Variants in ADCY2 observed in about 807,000 individuals in gnomAD.
ADCY2 encodes the protein adenylate cyclase type 2.
ADCY2 carries 31 observed loss-of-function variants against 125.2 expected under a neutral mutation model. That is an observed-to-expected ratio of 0.25 (90% confidence interval 0.19 to 0.33). The LOEUF (loss-of-function observed/expected upper bound fraction) is 0.33, where lower values mean the gene tolerates loss of function less well. ADCY2 is among the 10% of genes least tolerant of loss of function. The pLI, the probability that ADCY2 is intolerant of heterozygous loss-of-function variation, is 1.00. For synonymous variants in ADCY2, 512 were observed against 548.4 expected (o/e 0.93, Z 0.93); for missense variants, 904 against 1,418.2 (o/e 0.64, Z 5.82).
At chr5:7,657,811 T>G (rs937899378) in intron 4 of ADCY2, among the ~76,000 whole-genome samples, 1 of 152,162 alleles carries the variant, frequency 6.6e-6, no homozygotes, top group African/African-American at 2.4e-5. Flanking sequence ...ATCCAGACCT[T>G]TACTTTTCCC....
chr5:7,783,689 A>G (rs1157562700), intron 18 of ADCY2, among the ~76,000 whole-genome samples: 1 of 152,182 alleles, frequency 6.6e-6, no homozygotes, highest in African/African-American at 2.4e-5. Flanking sequence ...TAATGTTCGC[A>G]TGTCAGCATT....
At chr5:7,492,541 G>A (rs1414196666) in intron 2 of ADCY2, among the ~76,000 whole-genome samples, 1 of 152,174 alleles carries the variant, frequency 6.6e-6, no homozygotes, top group African/African-American at 2.4e-5. Context: ...GGGAGCCAGA[G>A]GCAATGGATA....
chr5:7,687,679 G>A (rs1198597076), intron 4 of ADCY2, among the ~76,000 whole-genome samples: 1 of 152,098 alleles, frequency 6.6e-6, no homozygotes, highest in Non-Finnish European at 1.5e-5. Flanking sequence ...CTTCATTAGC[G>A]GACACACAGG....
chr5:7,788,885 A>G (rs779629509), intron 19 of ADCY2, among the ~76,000 whole-genome samples: 1 of 152,254 alleles, frequency 6.6e-6, no homozygotes, highest in South Asian at 2.1e-4. Flanking sequence ...AGACTATTTC[A>G]TGATTAAATT....
chr5:7,746,568 T>C (rs1742633017), intron 15 of ADCY2, among the ~76,000 whole-genome samples: 1 of 152,214 alleles, frequency 6.6e-6, no homozygotes, highest in African/African-American at 2.4e-5. Flanking sequence ...AGAAACATTG[T>C]CACTTCCTAA....
chr5:7,525,498 T>C (rs1057259980), intron 3 of ADCY2, among the ~76,000 whole-genome samples: 1 of 152,154 alleles, frequency 6.6e-6, no homozygotes, highest in African/African-American at 2.4e-5. Flanking sequence ...CCTCTCTGAT[T>C]TTAGGGTCCT....
chr5:7,817,098 C>T (rs1032600728), intron 23 of ADCY2, 118 bp downstream of exon 23: 5 of 726,788 alleles, frequency 6.9e-6, no homozygotes, highest in Non-Finnish European at 9.4e-6. Flanking sequence ...AAATGCATCC[C>T]GTTGCAAGAC....
At chr5:7,557,663 C>T (rs1561092811) in intron 3 of ADCY2, among the ~76,000 whole-genome samples, 1 of 152,134 alleles carries the variant, frequency 6.6e-6, no homozygotes, top group Non-Finnish European at 1.5e-5. Context: ...GGATAATGGC[C>T]TCCAGCTTCA....
At chr5:7,813,318 C>T (rs1745001101) in intron 22 of ADCY2, among the ~76,000 whole-genome samples, 1 of 152,132 alleles carries the variant, frequency 6.6e-6, no homozygotes, top group Non-Finnish European at 1.5e-5. Context: ...GAAGAGAGTA[C>T]AGAAGAGGAA....
At position 7,396,658 on chromosome 5, in the gene ADCY2, C is replaced by T. The variant is rs995960516; in HGVS notation, c.210+152C>T. ...CCTCGGCCCGCGGCTCCCTGCTTCT[C>T]CTGCTGGCCCGCGGCCCGGTGGACT... is the stretch of plus-strand genomic sequence containing the variant. On this transcript the variant is annotated intron_variant, in intron 1 of 24. Transcript: ENST00000338316. This position sits in a 1 kb window ranked among gnomAD's most constrained non-coding sequence, Gnocchi z 5.7. The T allele has an allele frequency of 2.1e-6, 1 of 471,048 alleles. No individual in the cohort carries two copies. The highest frequency in any genetic ancestry group is 2.1e-5 in the African/African-American group (1 of 47,302). 29.2% of individuals were successfully genotyped at this position (471,048 alleles called of 1,614,324 possible). A position where few individuals can be genotyped will look rare whatever the true frequency, so the allele number is the denominator to read the frequency against.
chr5:7,589,065 G>A (rs1272938308), intron 3 of ADCY2, among the ~76,000 whole-genome samples: 1 of 152,114 alleles, frequency 6.6e-6, no homozygotes, highest in African/African-American at 2.4e-5. Flanking sequence ...TTAAATTTAA[G>A]AGTGAAATGC....
At chr5:7,575,315 C>T (rs61130748) in intron 3 of ADCY2, among the ~76,000 whole-genome samples, 2,375 of 151,196 alleles carry the variant, frequency 0.016, 59 homozygotes, top group African/African-American at 0.055. Context: ...GTCTGTTTCC[C>T]GTGCATTAAA....
chr5:7,681,012 A>G (rs1740311466), intron 4 of ADCY2, among the ~76,000 whole-genome samples: 1 of 152,234 alleles, frequency 6.6e-6, no homozygotes, highest in South Asian at 2.1e-4. Context: ...ATTGATAGCC[A>G]AGCAAGCTAC....
chr5:7,665,828 CTTTTTTT>C (rs70940750), intron 4 of ADCY2, among the ~76,000 whole-genome samples: 34 of 38,630 alleles, frequency 8.8e-4, no homozygotes, highest in African/African-American at 1.8e-3. Flanking sequence ...TAATTTAATT[CTTTTTTT>C]TTTTTTTTTT....
chr5:7,419,269 G>A (rs183359834), intron 2 of ADCY2, among the ~76,000 whole-genome samples: 24 of 152,226 alleles, frequency 1.6e-4, no homozygotes, highest in African/African-American at 4.6e-4. Context: ...AAGAACCCAC[G>A]GAACTTGTGA....
chr5:7,460,005 C>T (rs1007547408), intron 2 of ADCY2, among the ~76,000 whole-genome samples: 1 of 151,692 alleles, frequency 6.6e-6, no homozygotes, highest in East Asian at 1.9e-4. Flanking sequence ...CCAGGATGGT[C>T]TGAATCTCCT....
At chr5:7,824,522 C>T (rs1745406768) in intron 24 of ADCY2, among the ~76,000 whole-genome samples, 1 of 152,208 alleles carries the variant, frequency 6.6e-6, no homozygotes, top group African/African-American at 2.4e-5. Context: ...ATTTGCAAAC[C>T]TGAGTTTCAT....
At chr5:7,439,927 G>A (rs1740948234) in intron 2 of ADCY2, among the ~76,000 whole-genome samples, 1 of 151,992 alleles carries the variant, frequency 6.6e-6, no homozygotes, top group Non-Finnish European at 1.5e-5. Flanking sequence ...GGGGTGAGAG[G>A]AGAGTTCAGA....
At chr5:7,449,112 T>A (rs1741382905) in intron 2 of ADCY2, among the ~76,000 whole-genome samples, 1 of 152,194 alleles carries the variant, frequency 6.6e-6, no homozygotes, top group Non-Finnish European at 1.5e-5. Flanking sequence ...AAAGCGTTTT[T>A]TTCCCTCTGC....
Sources: gnomAD v4.1 joint callset for allele counts (sites outside exome capture counted in the v4.1 genomes callset) on GRCh38, gnomAD v4.1.1 for gene constraint, Gnocchi (gnomAD v3.1) non-coding constraint, MANE v1.5 for transcripts, NCBI Gene and HGNC (gene_info 2026-07-23, HGNC 2026-07-21) for gene names.